Variants in CC2D1A observed in about 807,000 individuals in gnomAD.
CC2D1A encodes coiled-coil and C2 domain-containing protein 1A.
Under a neutral mutation model 123.8 loss-of-function variants are expected in CC2D1A, and 68 were observed. The ratio of observed to expected loss-of-function variants is 0.55; its 90% CI spans 0.45 to 0.67. The LOEUF is 0.67. Ranked by LOEUF, CC2D1A falls within the 30% of genes least tolerant of loss-of-function variation. The pLI is 0.00. For missense variants in CC2D1A, 1,185 were observed against 1,290.3 expected (o/e 0.92, Z 1.25); for synonymous variants, 477 against 528.0 (o/e 0.90, Z 1.32).
chr19:13,923,490 C>A lies in CC2D1A; in HGVS notation c.1764+35C>A. On this transcript the variant is annotated intron_variant, in intron 15 of 28. Transcript: ENST00000318003. The surrounding 1 kb of genome is among the most constrained non-coding windows in gnomAD (Gnocchi z 5.3). ...AGGCCCCCAGCCCATCCCCCAGGAG[C>A]GTGACCCTCCTTCCCCTCTCTTCCC... 1 of 1,613,900 alleles carries A rather than the reference C, an allele frequency of 6.2e-7. No individual in the cohort carries two copies. Among genetic ancestry groups the A allele is most frequent in the Non-Finnish European group, 8.5e-7 (1 of 1,179,856 alleles).
intron 4 of CC2D1A, 135 bp from the exon 5 acceptor site, chr19:13,913,033 A>G: frequency 1.1e-6 from 1 of 885,100 alleles, no homozygotes; most frequent in Non-Finnish European, 1.7e-6. Flanking sequence ...GGAAATGGGG[A>G]CCATGATTTC....
rs759926288 is a variant in CC2D1A, at chr19:13,919,149, G to A, written c.1169G>A (p.Arg390Gln). Residue 390 changes from arginine (R) to glutamine (Q), a missense_variant, in exon 11 of 29, where the codon CGA becomes CAA. Coordinates refer to ENST00000318003, the MANE Select transcript of CC2D1A (RefSeq NM_017721.5). ...TCGCAGCAATACCAAGATGCCATCCGAGCCCACAAGGCTGGCCGAGCCGTG... is the reference window on the plus strand; with the variant it reads ...TCGCAGCAATACCAAGATGCCATCCAAGCCCACAAGGCTGGCCGAGCCGTG... Reference protein sequence around the residue: ...RIVKQYQDAIRAHKAGRAVDV... With the variant: ...RIVKQYQDAIQAHKAGRAVDV... 3.1e-6 allele frequency: 5 copies of A among 1,612,498 alleles called. No homozygotes were observed. The highest frequency in any genetic ancestry group is 1.7e-4 in the Middle Eastern group (1 of 6,058).
At position 13,927,405 on chromosome 19, in the gene CC2D1A, T is replaced by C. The variant is rs1157416691; in HGVS notation, c.2316+140T>C. 1.2e-5 allele frequency: 8 copies of C among 669,032 alleles called. No homozygotes were observed. The East Asian group carries it at 1.9e-4, about 16-fold the overall frequency. 41.4% of individuals were successfully genotyped at this position (669,032 alleles called of 1,614,324 possible). On this transcript the variant is annotated intron_variant, in intron 22 of 28. Coordinates refer to ENST00000318003, the MANE Select transcript of CC2D1A (RefSeq NM_017721.5). ...CCCTCAGAGCCTCAGACCTCCCTAC[T>C]GCCCAGCCCTAAATACTTGCAGTAC...
chr19:13,913,213 G>T lies in CC2D1A; in HGVS notation c.424G>T (p.Glu142Ter). The change falls in exon 5 of 29, where the codon GAG becomes TAG. Residue 142 changes from glutamate to a stop codon, truncating the protein, a stop_gained. Coordinates refer to ENST00000318003, the MANE Select transcript of CC2D1A (RefSeq NM_017721.5). LOFTEE classifies it high-confidence loss of function. Reference sequence around the variant, plus strand: ...TCCGGGGCTGGAGACCACCTTGCAGGAGAGGCTGGCGCTCTATCAGACAGC... The same window carrying T: ...TCCGGGGCTGGAGACCACCTTGCAGTAGAGGCTGGCGCTCTATCAGACAGC... ...PHPGLETTLQ[E>*]RLALYQTAIE... 1 of 1,613,420 alleles carries T rather than the reference G, an allele frequency of 6.2e-7. No individual in the cohort carries two copies. The highest frequency in any genetic ancestry group is 1.3e-5 in the African/African-American group (1 of 75,024).
chr19:13,913,545 G>A lies in CC2D1A; in HGVS notation c.655G>A (p.Ala219Thr), dbSNP rs771935649. 1.1e-5 allele frequency: 18 copies of A among 1,614,114 alleles called. No individual in the cohort carries two copies. The highest frequency in any genetic ancestry group is 4.5e-5 in the East Asian group (2 of 44,882). The part of the protein sequence containing the change: ...PAPTQPAPRI[A>T]SAPEPRVTLE... ...ACCCACCCAGCCGGCCCCTAGAATC[G>A]CGTCAGCCCCAGAGCCCAGGGTCAC... The change falls in exon 6 of 29, where the codon GCG (alanine) becomes ACG (threonine). Residue 219 changes from alanine to threonine, a missense_variant. Ala to Thr is a moderately conservative substitution (Grantham distance 58, BLOSUM62 0). Coordinates refer to ENST00000318003, the MANE Select transcript of CC2D1A (RefSeq NM_017721.5).
At chr19:13,928,702 GTCTT>G (rs1971744771) in intron 24 of CC2D1A, among the ~76,000 whole-genome samples, 1 of 139,564 alleles carries the variant, frequency 7.2e-6, no homozygotes, top group Non-Finnish European at 1.5e-5. Flanking sequence ...TGCCCAGTGT[GTCTT>G]TTTTTTTTTT....
chr19:13,930,173 G>A lies in CC2D1A; in HGVS notation c.2787+19G>A, dbSNP rs769645589. Reference sequence around the variant, plus strand: ...CAGCAGGGTGAGCTGGTCGCGGGCCGGGTGGGCACTGGGCAGCGGGCAGGG... The same window carrying A: ...CAGCAGGGTGAGCTGGTCGCGGGCCAGGTGGGCACTGGGCAGCGGGCAGGG... On this transcript the variant is annotated intron_variant, in intron 27 of 28. Transcript: ENST00000318003. The surrounding 1 kb of genome is among the most constrained non-coding windows in gnomAD (Gnocchi z 6.8). 1.6e-5 allele frequency: 26 copies of A among 1,613,140 alleles called. No homozygotes were observed. Among genetic ancestry groups the A allele is most frequent in the South Asian group, 9.9e-5 (9 of 91,050 alleles).
chr19:13,918,887 A>T, intron 9 of CC2D1A, 25 bp from the exon 10 acceptor site: 3 of 1,607,688 alleles, frequency 1.9e-6, no homozygotes, highest in Non-Finnish European at 2.6e-6. Flanking sequence ...GTTGACTCTT[A>T]ACCTTGTCCC....
rs1237271422 is a variant in CC2D1A, at chr19:13,906,263, G to A, written c.-179G>A. The A allele has an allele frequency of 2.1e-6, 1 of 474,492 alleles. No individual in the cohort carries two copies. The allele number at this position is 474,492 out of a possible 1,614,324, so 29.4% of individuals were successfully genotyped here. A position where few individuals can be genotyped will look rare whatever the true frequency, so the allele number is the denominator to read the frequency against. ...CGCGCTCCGGTGCGGCGGCGCCCGA[G>A]GCCCGAGGCGGAAGTGGGACGGCCA... On this transcript the variant is annotated 5_prime_UTR_variant, in exon 1 of 29. Coordinates refer to ENST00000318003, the MANE Select transcript of CC2D1A (RefSeq NM_017721.5). This position sits in a 1 kb window ranked among gnomAD's most constrained non-coding sequence, Gnocchi z 4.1.
At position 13,929,404 on chromosome 19, in the gene CC2D1A, A is replaced by C. The variant is rs780091723; in HGVS notation, c.2545A>C (p.Ser849Arg). 6.2e-7 allele frequency: 1 copy of C among 1,613,364 alleles called. No individual in the cohort carries two copies. Among genetic ancestry groups the C allele is most frequent in the South Asian group, 1.1e-5 (1 of 91,042 alleles). Residue 849 changes from serine to arginine, a missense_variant, in exon 25 of 29, where the codon AGT becomes CGT. Coordinates refer to ENST00000318003, the MANE Select transcript of CC2D1A (RefSeq NM_017721.5). ...ATCAGCCCGGCCCCTGCATAGCCTC[A>C]GTGTGCTGGCGTTTGACCAAGAGCG... Reference protein sequence around the residue: ...NRSARPLHSLSVLAFDQERLE... With the variant: ...NRSARPLHSLRVLAFDQERLE...
chr19:13,910,081 C>A, intron 2 of CC2D1A, 123 bp downstream of exon 2: 997 of 815,672 alleles, frequency 1.2e-3, no homozygotes, highest in Middle Eastern at 1.5e-3. Flanking sequence ...CTCCTGGAGC[C>A]AATGATCTGG....
At position 13,919,211 on chromosome 19, in the gene CC2D1A, T is replaced by TGCCCCTGTAGGCCTC. The variant is rs771246873; in HGVS notation, c.1222+15_1222+29dup. On this transcript the variant is annotated intron_variant, in intron 11 of 28. Coordinates refer to ENST00000318003, the MANE Select transcript of CC2D1A (RefSeq NM_017721.5). ...ATTGCCCGTGCCCCCAGGTAGGCCT[T>TGCCCCTGTAGGCCTC]GCCCCTGTAGGCCTCGCCCCAGTAG... The TGCCCCTGTAGGCCTC allele has an allele frequency of 1.9e-6, 3 of 1,607,990 alleles. No individual in the cohort carries two copies. The highest frequency in any genetic ancestry group is 4.5e-5 in the East Asian group (2 of 44,706).
In CC2D1A at chr19:13,920,806, C is replaced by T. The variant is rs1369002802; in HGVS notation, c.1525C>T (p.Leu509=). ...CAAGAAGCAGCTCCTGCAGGCCGCACTGCGAGCCAAGCAGAAAAACGACGT... is the reference window on the plus strand; with the variant it reads ...CAAGAAGCAGCTCCTGCAGGCCGCATTGCGAGCCAAGCAGAAAAACGACGT... ...GRKKQLLQAA[L]RAKQKNDVEG... The change falls in exon 14 of 29, where the codon CTG becomes TTG. Residue 509 remains leucine (L), a synonymous_variant. Coordinates refer to ENST00000318003, the MANE Select transcript of CC2D1A (RefSeq NM_017721.5). 1.2e-6 allele frequency: 2 copies of T among 1,614,166 alleles called. No individual in the cohort carries two copies. The highest frequency in any genetic ancestry group is 1.7e-5 in the Admixed American group (1 of 60,026).
chr19:13,908,513 C>G (rs556031314), intron 1 of CC2D1A, among the ~76,000 whole-genome samples: 1 of 151,900 alleles, frequency 6.6e-6, no homozygotes, highest in Non-Finnish European at 1.5e-5. Flanking sequence ...GTTGCCCAGG[C>G]TGGAGTTTGG....
rs746482878 is a variant in CC2D1A at position 13,913,377 on chromosome 19, C to T, written c.514-27C>T. 5 of 1,610,462 alleles carry T rather than the reference C, an allele frequency of 3.1e-6. No homozygotes were observed. The South Asian group carries it at 5.5e-5, about 18-fold the overall frequency. ...CCTGCACCAAGCTCTTGGCTTCTCCCAAACCAATACTCACGCCTTATCTTA... is the reference window on the plus strand; with the variant it reads ...CCTGCACCAAGCTCTTGGCTTCTCCTAAACCAATACTCACGCCTTATCTTA... On this transcript the variant is annotated intron_variant, in intron 5 of 28. Coordinates refer to ENST00000318003, the MANE Select transcript of CC2D1A (RefSeq NM_017721.5).
chr19:13,910,068 G>T, intron 2 of CC2D1A, 110 bp downstream of exon 2: 1 of 1,070,926 alleles, frequency 9.3e-7, no homozygotes, highest in Non-Finnish European at 1.3e-6. Flanking sequence ...GAAGACCCCT[G>T]TTCTCCTGGA....
intron 11 of CC2D1A, 64 bp downstream of exon 11, chr19:13,919,266 GGCCCCGCC>G: frequency 7.6e-7 from 1 of 1,319,636 alleles, no homozygotes; most frequent in African/African-American, 1.5e-5. Context: ...CGCCCCCAGA[GGCCCCGCC>G]GCTGGCAGGC....
rs771851457 is a variant in CC2D1A at position 13,920,678 on chromosome 19, C to T, written c.1468+10C>T. The T allele has an allele frequency of 1.3e-5, 21 of 1,605,922 alleles. No individual in the cohort carries two copies. The South Asian group carries it at 2.1e-4, about 16-fold the overall frequency. ...GCCACATCCACCAGAGGTAAGTTCCCCCTCCCCGCCCCAGCTGCCTGTTGC... is the reference window on the plus strand; with the variant it reads ...GCCACATCCACCAGAGGTAAGTTCCTCCTCCCCGCCCCAGCTGCCTGTTGC... On this transcript the variant is annotated intron_variant, in intron 13 of 28. Transcript: ENST00000318003.
At chr19:13,907,520 A>C (rs1196300814) in intron 1 of CC2D1A, among the ~76,000 whole-genome samples, 4 of 151,980 alleles carry the variant, frequency 2.6e-5, no homozygotes, top group Non-Finnish European at 5.9e-5. Flanking sequence ...TAAAAATACA[A>C]AAATTAGCTG....
Sources: allele counts gnomAD v4.1 joint callset (sites outside exome capture counted in the v4.1 genomes callset), GRCh38; gene constraint gnomAD v4.1.1; non-coding constraint Gnocchi (gnomAD v3.1); transcripts MANE v1.5; gene names NCBI Gene and HGNC (gene_info 2026-07-23, HGNC 2026-07-21).